The following CEMIP variants were observed in gnomAD, a reference collection of about 807,000 sequenced individuals.
The protein encoded by CEMIP is cell migration-inducing and hyaluronan-binding protein.
A neutral mutation model predicts 156.9 loss-of-function variants in CEMIP; 105 were observed. The ratio of observed to expected loss-of-function variants is 0.67; its 90% CI spans 0.57 to 0.79. CEMIP has a LOEUF of 0.79. Among genes scored for constraint, CEMIP ranks in the 30% least tolerant of loss-of-function variants. The pLI, the probability that CEMIP is intolerant of heterozygous loss-of-function variation, is 0.00. For missense variants in CEMIP, 1,457 were observed against 1,769.4 expected (o/e 0.82, Z 3.17); for synonymous variants, 676 against 668.4 (o/e 1.01, Z -0.17).
rs1898928052 is a variant in CEMIP, at chr15:80,888,562, T to C, written c.869-139T>C. The C allele has an allele frequency of 1.7e-5, 12 of 685,942 alleles. No individual in the cohort carries two copies. The South Asian group carries it at 2.0e-4, about 11-fold the overall frequency. 42.5% of individuals were successfully genotyped at this position (685,942 alleles called of 1,614,324 possible). A position where few individuals can be genotyped will look rare whatever the true frequency, so the allele number is the denominator to read the frequency against. ...TCCCAAGTGAATGAATGTCCTAATT[T>C]TCTTTTATTTACTTAAAAAATATTT... On this transcript the variant is annotated intron_variant, in intron 8 of 29. Transcript: ENST00000394685.
At chr15:80,856,127 G>T (rs912344895) in intron 1 of CEMIP, among the ~76,000 whole-genome samples, 3 of 152,206 alleles carry the variant, frequency 2.0e-5, no homozygotes, top group African/African-American at 7.2e-5. Flanking sequence ...TGTTGGAATT[G>T]ACTGGGAAGG....
At chr15:80,856,003 C>T (rs1171140445) in intron 1 of CEMIP, among the ~76,000 whole-genome samples, 2 of 152,166 alleles carry the variant, frequency 1.3e-5, no homozygotes, top group Admixed American at 1.3e-4. Flanking sequence ...GTGAAAGAAA[C>T]CTTGTACAAA....
At position 80,807,706 on chromosome 15, in the gene CEMIP, T is replaced by C. The variant is rs78696579; in HGVS notation, c.-176+28092T>C. The stretch of plus-strand genomic sequence containing the variant: ...ATAGCTAAAGGCTGTCTTAAAAACA[T>C]TGAGTCATCAAAAGGTTAGCAGCCA... On this transcript the variant is annotated intron_variant, in intron 1 of 29. Transcript: ENST00000394685. Among the ~76,000 whole-genome samples, 590 of 152,348 alleles carry C rather than the reference T, an allele frequency of 3.9e-3. 5 individuals carry two copies. The highest frequency in any genetic ancestry group is 0.011 in the African/African-American group (477 of 41,580).
chr15:80,872,989 G>A (rs1463556334), intron 1 of CEMIP, among the ~76,000 whole-genome samples: 2 of 152,186 alleles, frequency 1.3e-5, no homozygotes, highest in South Asian at 2.1e-4. Flanking sequence ...GATAGCTGCT[G>A]AAAATCCAGC....
At chr15:80,822,297 C>T (rs1274863975) in intron 1 of CEMIP, among the ~76,000 whole-genome samples, 1 of 152,154 alleles carries the variant, frequency 6.6e-6, no homozygotes, top group Non-Finnish European at 1.5e-5. Flanking sequence ...TGTTGCCTGC[C>T]GCTGGGGCTA....
chr15:80,921,856 C>T (rs2141924310), intron 16 of CEMIP, among the ~76,000 whole-genome samples, 153 bp from the exon 17 acceptor site: 1 of 152,356 alleles, frequency 6.6e-6, no homozygotes, highest in Admixed American at 6.5e-5. Flanking sequence ...GACTGGACCA[C>T]ATGGAGGTGT....
chr15:80,870,018 C>G (rs972666029), intron 1 of CEMIP, among the ~76,000 whole-genome samples: 1 of 152,184 alleles, frequency 6.6e-6, no homozygotes, highest in Non-Finnish European at 1.5e-5. Context: ...CACAGTGTCT[C>G]TTTTGATTCT....
chr15:80,909,241 A>T lies in CEMIP; in HGVS notation c.1732A>T (p.Arg578Trp). ...AGGTTATGACCCACCCACATACATC[A>T]GGGACCTCTCCATCCATCATACATT... is the stretch of plus-strand genomic sequence containing the variant. ...RGGYDPPTYI[R>W]DLSIHHTFSR... The change falls in exon 14 of 30, where the codon AGG becomes TGG. Residue 578 changes from arginine to tryptophan, a missense_variant. Physicochemically the swap from Arg to Trp is moderately radical, Grantham distance 101. Coordinates refer to ENST00000394685, the MANE Select transcript of CEMIP (RefSeq NM_001293298.2). The T allele has an allele frequency of 6.2e-7, 1 of 1,614,094 alleles. No homozygotes were observed. The highest frequency in any genetic ancestry group is 1.3e-5 in the African/African-American group (1 of 75,018).
At chr15:80,939,343 A>G (rs923624573) in intron 25 of CEMIP, among the ~76,000 whole-genome samples, 3 of 152,220 alleles carry the variant, frequency 2.0e-5, no homozygotes, top group Admixed American at 2.0e-4. Flanking sequence ...CATGGGAAGA[A>G]GTGGATGAGG....
rs143177591 is a variant in CEMIP, at chr15:80,808,535, T to C, written c.-176+28921T>C. Among the ~76,000 whole-genome samples, 162 of 152,014 alleles carry C rather than the reference T, an allele frequency of 1.1e-3. 1 individual carries two copies. The East Asian group carries it at 0.026, about 24-fold the overall frequency. On this transcript the variant is annotated intron_variant, in intron 1 of 29. Transcript: ENST00000394685. Reference sequence around the variant, plus strand: ...TGAAAAATAACAAGCCAGGATACAGTGGCATCATCACAGATGAATAAATTA... The same window carrying C: ...TGAAAAATAACAAGCCAGGATACAGCGGCATCATCACAGATGAATAAATTA...
intron 1 of CEMIP, among the ~76,000 whole-genome samples, chr15:80,863,262 C>T (rs1898032635): frequency 1.3e-5 from 2 of 152,302 alleles, no homozygotes; most frequent in African/African-American, 4.8e-5. Context: ...TCAAAATACA[C>T]CCACCTGTTT....
At chr15:80,935,783 G>A (rs891076053) in intron 23 of CEMIP, among the ~76,000 whole-genome samples, 1 of 152,158 alleles carries the variant, frequency 6.6e-6, no homozygotes, top group African/African-American at 2.4e-5. Context: ...CCAGGCTGGA[G>A]TGCAATGGGC....
Position 80,932,110 on chromosome 15 carries a change from C to T in CEMIP, c.2793+71C>T. 2 of 1,567,104 alleles carry T rather than the reference C, an allele frequency of 1.3e-6. No individual in the cohort carries two copies. The highest frequency in any genetic ancestry group is 2.2e-5 in the East Asian group (1 of 44,722). On this transcript the variant is annotated intron_variant, in intron 22 of 29. Coordinates refer to ENST00000394685, the MANE Select transcript of CEMIP (RefSeq NM_001293298.2). This position sits in a 1 kb window ranked among gnomAD's most constrained non-coding sequence, Gnocchi z 4.5. ...ATGGTGATTCACAAGTCCCCTGGGT[C>T]CCAGAGTTTGAGCTATTGCCACCAC... is the stretch of plus-strand genomic sequence containing the variant.
rs754965158 is a variant in CEMIP at position 80,937,910 on chromosome 15, C to A, written c.3338C>A (p.Thr1113Asn). 6.2e-7 allele frequency: 1 copy of A among 1,614,186 alleles called. No individual in the cohort carries two copies. The highest frequency in any genetic ancestry group is 1.7e-5 in the Admixed American group (1 of 60,026). Reference protein sequence around the residue: ...QTSKTGVFVRTLQMDKVEQSY... With the variant: ...QTSKTGVFVRNLQMDKVEQSY... ...TCCAAGACGGGCGTCTTCGTGAGGA[C>A]CTTGCAGATGGACAAAGTGGAGCAG... is the stretch of plus-strand genomic sequence containing the variant. The change falls in exon 25 of 30, where the codon ACC (threonine) becomes AAC (asparagine). Residue 1113 changes from threonine (T) to asparagine (N), a missense_variant. Physicochemically the swap from Thr to Asn is moderately conservative, Grantham distance 65. Coordinates refer to ENST00000394685, the MANE Select transcript of CEMIP (RefSeq NM_001293298.2).
At chr15:80,880,429 T>TTTG (rs1555432424) in intron 5 of CEMIP, among the ~76,000 whole-genome samples, 1 of 152,150 alleles carries the variant, frequency 6.6e-6, no homozygotes, top group African/African-American at 2.4e-5. Context: ...TGCTAATGTT[T>TTTG]TTGTTGTTAT....
chr15:80,841,059 T>C (rs74030618), intron 1 of CEMIP, among the ~76,000 whole-genome samples: 4,264 of 152,252 alleles, frequency 0.028, 166 homozygotes, highest in African/African-American at 0.085. Flanking sequence ...CCTCTCATCT[T>C]GTCCTCTGAG....
chr15:80,870,383 G>T lies in CEMIP; in HGVS notation c.-175-3155G>T, dbSNP rs373579689. ...CTACCTCTTCTTCCAATAATCCCTA[G>T]AACAGATCCTAGCTTCTGTAGCCTC... On this transcript the variant is annotated intron_variant, in intron 1 of 29. Transcript: ENST00000394685. Among the ~76,000 whole-genome samples, 19 of 152,192 alleles carry T rather than the reference G, an allele frequency of 1.2e-4. No individual in the cohort carries two copies. In the South Asian group the frequency reaches 3.7e-3, roughly 30 times the overall value.
intron 7 of CEMIP, among the ~76,000 whole-genome samples, chr15:80,885,759 A>G (rs866144368): frequency 1.3e-5 from 2 of 152,228 alleles, no homozygotes; most frequent in Non-Finnish European, 1.5e-5. Context: ...ATGTGATAAT[A>G]TGAACAAAAT....
rs1899172766 is a variant in CEMIP at position 80,895,135 on chromosome 15, T to C, written c.1219+13T>C. The C allele has an allele frequency of 6.2e-7, 1 of 1,613,994 alleles. No individual in the cohort carries two copies. Among genetic ancestry groups the C allele is most frequent in the African/African-American group, 1.3e-5 (1 of 74,918 alleles). ...TGTGGGAAGCCTGGTAAGCAGCCCC[T>C]TGTCGGGGACACAGATGCAACTATG... On this transcript the variant is annotated intron_variant, in intron 11 of 29. Transcript: ENST00000394685.
Sources: allele counts gnomAD v4.1 joint callset (sites outside exome capture counted in the v4.1 genomes callset), GRCh38; gene constraint gnomAD v4.1.1; non-coding constraint Gnocchi (gnomAD v3.1); transcripts MANE v1.5; gene names NCBI Gene and HGNC (gene_info 2026-07-23, HGNC 2026-07-21).